FOXP2: variants seen among roughly 807,000 people sequenced by gnomAD.
FOXP2 encodes the protein forkhead box protein P2.
A neutral mutation model predicts 115.8 loss-of-function variants in FOXP2; 12 were observed. The observed-to-expected ratio is 0.10, with a 90% CI of 0.07 to 0.17. FOXP2 has a LOEUF of 0.17. Among genes scored for constraint, FOXP2 ranks in the 10% least tolerant of loss-of-function variants. FOXP2 has a pLI of 1.00. For missense variants in FOXP2, 629 were observed against 843.5 expected, an observed-to-expected ratio of 0.75 and a Z score of 3.15; for synonymous variants, 328 against 297.7, an observed-to-expected ratio of 1.10 and a Z score of -1.05.
At chr7:114,595,447 G>A (rs192512881) in intron 3 of FOXP2, among the ~76,000 whole-genome samples, 475 of 152,070 alleles carry the variant, frequency 3.1e-3, no homozygotes, top group Middle Eastern at 0.014. Context: ...ATGAAATTGG[G>A]TATAAAAAGT....
intron 2 of FOXP2, among the ~76,000 whole-genome samples, chr7:114,471,553 T>C (rs1364341289): frequency 6.6e-6 from 1 of 152,208 alleles, no homozygotes; most frequent in East Asian, 1.9e-4. Flanking sequence ...CAATATTGTC[T>C]TCCTCATGAA....
At chr7:114,663,317 T>C (rs1806978900) in intron 14 of FOXP2, 133 bp from the exon 15 acceptor site, 1 of 645,598 alleles carries the variant, frequency 1.5e-6, no homozygotes, top group African/African-American at 1.8e-5. Context: ...TACCTTATTT[T>C]TGTGGCCTTA....
At chr7:114,329,672 ATTTATTTATTTAT>A in intron 2 of FOXP2, among the ~76,000 whole-genome samples, 1 of 52,736 alleles carries the variant, frequency 1.9e-5, no homozygotes, top group South Asian at 6.1e-4. Flanking sequence ...TTATTTATTT[ATTTATTTATTTAT>A]TTATTTTATG....
At chr7:114,658,618 A>T (rs756443274) in intron 11 of FOXP2, among the ~76,000 whole-genome samples, 60 of 152,194 alleles carry the variant, frequency 3.9e-4, no homozygotes, top group Non-Finnish European at 6.0e-4. Context: ...TTTAAAGGAC[A>T]TATACGAAAC....
chr7:114,610,243 T>C (rs897909054), intron 3 of FOXP2, among the ~76,000 whole-genome samples: 1 of 152,254 alleles, frequency 6.6e-6, no homozygotes, highest in Non-Finnish European at 1.5e-5. Context: ...AGCTACACCA[T>C]TGCAACTGAA....
intron 2 of FOXP2, among the ~76,000 whole-genome samples, chr7:114,434,682 A>G (rs1794264202): frequency 6.6e-6 from 1 of 152,040 alleles, no homozygotes; most frequent in African/African-American, 2.4e-5. Flanking sequence ...CGTTAAGAAA[A>G]AAATTAGGAG....
intron 8 of FOXP2, among the ~76,000 whole-genome samples, chr7:114,647,666 A>G (rs1349598567): frequency 2.0e-5 from 3 of 152,018 alleles, no homozygotes; most frequent in Non-Finnish European, 4.4e-5. Context: ...TAGATCACTA[A>G]AAGCATTTAA....
At chr7:114,541,303 A>G (rs1799649478) in intron 3 of FOXP2, among the ~76,000 whole-genome samples, 1 of 152,064 alleles carries the variant, frequency 6.6e-6, no homozygotes, top group African/African-American at 2.4e-5. Context: ...GTAATTTGAA[A>G]AGAGGAGCTC....
intron 2 of FOXP2, among the ~76,000 whole-genome samples, chr7:114,353,675 G>A (rs923019315): frequency 6.6e-6 from 1 of 151,982 alleles, no homozygotes; most frequent in Non-Finnish European, 1.5e-5. Context: ...TCCTTCTAAA[G>A]AGGTAAATCA....
chr7:114,099,809 C>G (rs1799736537), intron 1 of FOXP2, among the ~76,000 whole-genome samples: 1 of 152,040 alleles, frequency 6.6e-6, no homozygotes, highest in African/African-American at 2.4e-5. Flanking sequence ...CCAAAGGATA[C>G]AAAGTCACAG....
chr7:114,421,206 A>T (rs895951540), intron 1 of FOXP2, among the ~76,000 whole-genome samples: 1 of 151,594 alleles, frequency 6.6e-6, no homozygotes, highest in Non-Finnish European at 1.5e-5. Context: ...GTATTTTATA[A>T]TATTTTCATA....
At chr7:114,508,322 T>C (rs1017453657) in intron 2 of FOXP2, among the ~76,000 whole-genome samples, 4 of 151,986 alleles carry the variant, frequency 2.6e-5, no homozygotes, top group African/African-American at 9.7e-5. Flanking sequence ...GATCATCCAG[T>C]CCAAAAGTGT....
intron 1 of FOXP2, among the ~76,000 whole-genome samples, chr7:114,132,092 G>A (rs1791893912): frequency 1.3e-5 from 2 of 151,922 alleles, no homozygotes; most frequent in African/African-American, 4.8e-5. Context: ...TTTACCATGG[G>A]CAAAACTCAT....
intron 2 of FOXP2, among the ~76,000 whole-genome samples, chr7:114,288,689 T>A (rs1340883758): frequency 6.6e-6 from 1 of 151,856 alleles, no homozygotes; most frequent in South Asian, 2.1e-4. Flanking sequence ...CTTTGATATG[T>A]ACAATGTTAA....
At chr7:114,421,320 A>G (rs1793609044) in intron 1 of FOXP2, among the ~76,000 whole-genome samples, 1 of 151,718 alleles carries the variant, frequency 6.6e-6, no homozygotes, top group Non-Finnish European at 1.5e-5. Context: ...GCTGATTGAA[A>G]TGGAAGATAA....
chr7:114,283,492 C>G (rs1375342606), intron 1 of FOXP2, among the ~76,000 whole-genome samples: 1 of 151,922 alleles, frequency 6.6e-6, no homozygotes, highest in Non-Finnish European at 1.5e-5. Flanking sequence ...TAATGTTTTC[C>G]TTTTCATTTA....
chr7:114,490,655 A>G (rs549029284), intron 2 of FOXP2, among the ~76,000 whole-genome samples: 1 of 151,966 alleles, frequency 6.6e-6, no homozygotes, highest in South Asian at 2.1e-4. Context: ...TCCCTCCCCC[A>G]TACCCCCACC....
chr7:114,290,018 C>G (rs1796554623), intron 2 of FOXP2, among the ~76,000 whole-genome samples: 1 of 151,632 alleles, frequency 6.6e-6, no homozygotes, highest in South Asian at 2.1e-4. Context: ...TTAAATTAAC[C>G]TCTGTTAATT....
At chr7:114,215,541 C>A (rs1353538675) in intron 1 of FOXP2, among the ~76,000 whole-genome samples, 5 of 152,004 alleles carry the variant, frequency 3.3e-5, no homozygotes, top group Admixed American at 2.6e-4. Context: ...TATTGAAATA[C>A]TACGGTTTAT....
Sources: allele counts gnomAD v4.1 joint callset (sites outside exome capture counted in the v4.1 genomes callset), GRCh38; gene constraint gnomAD v4.1.1; transcripts MANE v1.5; gene names NCBI Gene and HGNC (gene_info 2026-07-23, HGNC 2026-07-21).